MAPK9: variants seen among roughly 807,000 people sequenced by gnomAD.
MAPK9 encodes the protein Jun kinase.
A neutral mutation model predicts 57.1 loss-of-function variants in MAPK9; 30 were observed. The observed-to-expected ratio is 0.53, with a 90% CI of 0.39 to 0.71. The LOEUF is 0.71. Ranked by LOEUF, MAPK9 falls within the 30% of genes least tolerant of loss-of-function variation. MAPK9 has a pLI of 0.00. For synonymous variants in MAPK9, 155 were observed against 177.0 expected (o/e 0.88, Z 0.99); for missense variants, 362 against 521.0 (o/e 0.69, Z 2.97).
At chr5:180,257,563 TTG>T (rs1290797980) in intron 5 of MAPK9, 1 of 152,264 alleles carries the variant, frequency 6.6e-6, no homozygotes, top group African/African-American at 2.4e-5. Context: ...AGTATTTTAA[TTG>T]TTTTTTAGAA....
At chr5:180,269,040 G>A (rs1278364463) in intron 3 of MAPK9, among the ~76,000 whole-genome samples, 2 of 151,956 alleles carry the variant, frequency 1.3e-5, no homozygotes, top group African/African-American at 4.8e-5. Context: ...TTGGGAGGCT[G>A]AGGTAAGAGA....
rs192471721 is a variant in MAPK9, at chr5:180,249,213, G to A, written c.451-75C>T. 78 of 1,378,734 alleles carry A rather than the reference G, an allele frequency of 5.7e-5. No individual in the cohort carries two copies. In the South Asian group the frequency reaches 7.7e-4, roughly 14 times the overall value. The allele number at this position is 1,378,734 out of a possible 1,614,324, so 85.4% of individuals were successfully genotyped here. On this transcript the variant is annotated intron_variant, in intron 5 of 11. Transcript: ENST00000452135. Reference sequence around the variant, plus strand: ...AAACTACTTCACATCCGTGAGGGTCGTGAAGCCAGTGTGAGAGTGTAGGGA... The same window carrying A: ...AAACTACTTCACATCCGTGAGGGTCATGAAGCCAGTGTGAGAGTGTAGGGA...
intron 1 of MAPK9, among the ~76,000 whole-genome samples, chr5:180,285,609 G>A (rs1443438620): frequency 2.6e-5 from 4 of 152,022 alleles, no homozygotes; most frequent in Admixed American, 6.6e-5. Context: ...GCTTGCTGCC[G>A]ACATTTTTTT....
chr5:180,267,325 G>A (rs527455586), intron 3 of MAPK9, among the ~76,000 whole-genome samples: 128 of 152,178 alleles, frequency 8.4e-4, no homozygotes, highest in Middle Eastern at 3.4e-3. Context: ...ACTTTGGGAC[G>A]CCGAGGCAGG....
Position 180,292,030 on chromosome 5 carries a change from C to G in MAPK9, c.-230G>C, listed in dbSNP as rs1763324252. On this transcript the variant is annotated 5_prime_UTR_variant, in exon 1 of 12. Transcript: ENST00000452135. Reference sequence around the variant, plus strand: ...TGTGAGGGGCGCCGGGGCGCTGCGACCCTTCCGGTCCCGCTCCCTTCTCCG... The same window carrying G: ...TGTGAGGGGCGCCGGGGCGCTGCGAGCCTTCCGGTCCCGCTCCCTTCTCCG... 6.4e-6 allele frequency: 1 copy of G among 155,412 alleles called. No individual in the cohort carries two copies. Among genetic ancestry groups the G allele is most frequent in the Non-Finnish European group, 1.4e-5 (1 of 71,470 alleles). 9.6% of individuals were successfully genotyped at this position (155,412 alleles called of 1,614,324 possible).
rs1443319613 is a variant in MAPK9, at chr5:180,248,981, T to G, written c.608A>C (p.Lys203Thr). 6.2e-7 allele frequency: 1 copy of G among 1,610,724 alleles called. No homozygotes were observed. The highest frequency in any genetic ancestry group is 2.2e-5 in the East Asian group (1 of 44,804). ...APEVILGMGY[K>T]ENVDIWSVGC... ...GCCCCGGCTATACTCACCGTTCTCTTTGTAGCCCATACCCAGGATGACTTC... is the reference window on the plus strand; with the variant it reads ...GCCCCGGCTATACTCACCGTTCTCTGTGTAGCCCATACCCAGGATGACTTC... Residue 203 changes from lysine (K) to threonine (T), a missense_variant, in exon 6 of 12, where the codon AAA becomes ACA. Transcript: ENST00000452135.
chr5:180,286,558 TACC>T (rs1257220751), intron 1 of MAPK9, among the ~76,000 whole-genome samples: 4 of 151,782 alleles, frequency 2.6e-5, no homozygotes, highest in Non-Finnish European at 5.9e-5. Flanking sequence ...CCACAGTATA[TACC>T]ACAATACAGA....
chr5:180,282,174 T>C (rs2127624506), intron 1 of MAPK9, among the ~76,000 whole-genome samples: 1 of 152,272 alleles, frequency 6.6e-6, no homozygotes, highest in Admixed American at 6.5e-5. Flanking sequence ...CAATAAACCT[T>C]TGTTGATCTG....
At position 180,233,737 on chromosome 5, in the gene MAPK9, G is replaced by A. The variant is rs978050116; in HGVS notation, c.*2647C>T. 1 of 152,232 alleles carries A rather than the reference G, an allele frequency of 6.6e-6. No individual in the cohort carries two copies. The highest frequency in any genetic ancestry group is 1.5e-5 in the Non-Finnish European group (1 of 68,044). The allele number at this position is 152,232 out of a possible 1,614,324, so 9.4% of individuals were successfully genotyped here. ...TATTTATTACCAGGAGGAAATACCAGAGGAGTCACATTAGAAATCAACCAG... is the reference window on the plus strand; with the variant it reads ...TATTTATTACCAGGAGGAAATACCAAAGGAGTCACATTAGAAATCAACCAG... On this transcript the variant is annotated 3_prime_UTR_variant, in exon 12 of 12. Transcript: ENST00000452135.
At chr5:180,284,615 T>C (rs1235226276) in intron 1 of MAPK9, among the ~76,000 whole-genome samples, 1 of 152,196 alleles carries the variant, frequency 6.6e-6, no homozygotes, top group African/African-American at 2.4e-5. Context: ...TAACTGCATA[T>C]CCTAAACTGG....
chr5:180,283,508 T>C (rs1762485975), intron 1 of MAPK9, among the ~76,000 whole-genome samples: 1 of 152,250 alleles, frequency 6.6e-6, no homozygotes, highest in East Asian at 1.9e-4. Context: ...TCAACCCTGC[T>C]GACCAACTCT....
intron 2 of MAPK9, among the ~76,000 whole-genome samples, chr5:180,272,844 T>G (rs1384617499): frequency 6.6e-6 from 1 of 152,262 alleles, no homozygotes; most frequent in Non-Finnish European, 1.5e-5. Flanking sequence ...GTGTTTCTGA[T>G]GAGTAGACAA....
intron 10 of MAPK9, among the ~76,000 whole-genome samples, chr5:180,239,326 T>C (rs1442231232): frequency 6.6e-6 from 1 of 152,248 alleles, no homozygotes; most frequent in African/African-American, 2.4e-5. Context: ...GAGCACGCTG[T>C]GTGCATGCAC....
At chr5:180,285,614 T>C (rs1762668569) in intron 1 of MAPK9, among the ~76,000 whole-genome samples, 1 of 152,130 alleles carries the variant, frequency 6.6e-6, no homozygotes, top group Non-Finnish European at 1.5e-5. Flanking sequence ...CTGCCGACAT[T>C]TTTTTCATTA....
intron 5 of MAPK9, among the ~76,000 whole-genome samples, chr5:180,259,453 C>T (rs1759679940): frequency 6.6e-6 from 1 of 152,012 alleles, no homozygotes; most frequent in African/African-American, 2.4e-5. Context: ...GGAGAGAAAC[C>T]CTTTGACTGT....
At chr5:180,254,004 T>C (rs35654062) in intron 5 of MAPK9, among the ~76,000 whole-genome samples, 1 of 150,500 alleles carries the variant, frequency 6.6e-6, no homozygotes, top group Non-Finnish European at 1.5e-5. Flanking sequence ...CTCGATCTTG[T>C]TGCTCAGGCT....
intron 1 of MAPK9, among the ~76,000 whole-genome samples, chr5:180,283,955 A>G (rs935382933): frequency 3.9e-5 from 6 of 152,200 alleles, no homozygotes; most frequent in African/African-American, 9.7e-5. Flanking sequence ...AAGATTTAAA[A>G]TAATTATAAA....
At chr5:180,272,861 G>A (rs1255458438) in intron 2 of MAPK9, among the ~76,000 whole-genome samples, 1 of 152,236 alleles carries the variant, frequency 6.6e-6, no homozygotes, top group Admixed American at 6.5e-5. Context: ...ACAACTAAGA[G>A]TGGGAACGTA....
intron 7 of MAPK9, among the ~76,000 whole-genome samples, chr5:180,244,881 T>G (rs186278616): frequency 6.6e-6 from 1 of 152,078 alleles, no homozygotes; most frequent in African/African-American, 2.4e-5. Context: ...CAGGCTTTCT[T>G]CCCTCCACTC....
Sources: allele counts gnomAD v4.1 joint callset (sites outside exome capture counted in the v4.1 genomes callset), GRCh38; gene constraint gnomAD v4.1.1; transcripts MANE v1.5; gene names NCBI Gene and HGNC (gene_info 2026-07-23, HGNC 2026-07-21).